AKAP7: variants seen among roughly 807,000 people sequenced by gnomAD.
AKAP7 encodes A kinase (PRKA) anchor protein 7.
Under a neutral mutation model 39.5 loss-of-function variants are expected in AKAP7, and 39 were observed. That is an observed-to-expected ratio of 0.99 (90% CI 0.76 to 1.29). The LOEUF (loss-of-function observed/expected upper bound fraction) is 1.29. Among genes scored for constraint, AKAP7 ranks in the 50% most tolerant of loss-of-function variants. The pLI is 0.00. For missense variants in AKAP7, 414 were observed against 407.7 expected (o/e 1.02, Z -0.13); for synonymous variants, 140 against 139.1 (o/e 1.01, Z -0.05).
chr6:131,159,260 A>AT (rs1198083550), intron 2 of AKAP7, among the ~76,000 whole-genome samples: 16 of 152,036 alleles, frequency 1.1e-4, no homozygotes, highest in African/African-American at 3.1e-4. Context: ...CACCCAGCTA[A>AT]TTTTTTATAT....
At position 131,199,578 on chromosome 6, in the gene AKAP7, G is replaced by A; in HGVS notation, c.702+5G>A. The A allele has an allele frequency of 6.3e-7, 1 of 1,577,400 alleles. No homozygotes were observed. Among genetic ancestry groups the A allele is most frequent in the South Asian group, 1.1e-5 (1 of 90,276 alleles). On this transcript the variant is annotated splice_donor_5th_base_variant and intron_variant, in intron 6 of 7. Transcript: ENST00000431975. ...TCACCGTGGCTCCGTAAGAATGTGA[G>A]TGCATGTTCTTATTGCAAGCCTGTT...
chr6:131,199,593 G>T lies in AKAP7; in HGVS notation c.702+20G>T. 6.5e-7 allele frequency: 1 copy of T among 1,549,342 alleles called. No homozygotes were observed. The highest frequency in any genetic ancestry group is 8.9e-7 in the Non-Finnish European group (1 of 1,121,584). Reference sequence around the variant, plus strand: ...AAGAATGTGAGTGCATGTTCTTATTGCAAGCCTGTTTTACCAGGCCACACC... The same window carrying T: ...AAGAATGTGAGTGCATGTTCTTATTTCAAGCCTGTTTTACCAGGCCACACC... On this transcript the variant is annotated intron_variant, in intron 6 of 7. Coordinates refer to ENST00000431975, the MANE Select transcript of AKAP7 (RefSeq NM_016377.4).
At chr6:131,230,625 T>C (rs1810550574) in intron 7 of AKAP7, among the ~76,000 whole-genome samples, 2 of 152,170 alleles carry the variant, frequency 1.3e-5, no homozygotes, top group Non-Finnish European at 2.9e-5. Flanking sequence ...TTGTTGCAAT[T>C]GCATTTGGGG....
At chr6:131,182,125 G>GA (rs34712760) in intron 5 of AKAP7, among the ~76,000 whole-genome samples, 41,515 of 148,956 alleles carry the variant, frequency 0.28, 6,405 homozygotes, top group Non-Finnish European at 0.35. Context: ...GAGTCCGTCT[G>GA]AAAAAAAAAA....
chr6:131,272,010 A>G (rs12525492), intron 7 of AKAP7, among the ~76,000 whole-genome samples: 5,333 of 152,228 alleles, frequency 0.035, 258 homozygotes, highest in East Asian at 0.17. Flanking sequence ...TCACTGAAAG[A>G]GCAAAGCCCC....
Position 131,282,723 on chromosome 6 carries a change from G to C in AKAP7, c.*997G>C, listed in dbSNP as rs1815302314. The C allele has an allele frequency of 2.6e-6, 2 of 760,462 alleles. No individual in the cohort carries two copies. The highest frequency in any genetic ancestry group is 3.8e-6 in the Non-Finnish European group (2 of 524,808). 47.1% of individuals were successfully genotyped at this position (760,462 alleles called of 1,614,324 possible). A position where few individuals can be genotyped will look rare whatever the true frequency, so the allele number is the denominator to read the frequency against. Reference sequence around the variant, plus strand: ...TCTGCACAACAGCAAACCAACATTTGGTGAGGAATTAGCAATTTCTTGCCA... The same window carrying C: ...TCTGCACAACAGCAAACCAACATTTCGTGAGGAATTAGCAATTTCTTGCCA... On this transcript the variant is annotated 3_prime_UTR_variant, in exon 8 of 8. Transcript: ENST00000431975.
chr6:131,234,080 T>A (rs1368007686), intron 7 of AKAP7, among the ~76,000 whole-genome samples: 1 of 152,174 alleles, frequency 6.6e-6, no homozygotes, highest in Non-Finnish European at 1.5e-5. Context: ...ACTGCCTGAG[T>A]TACCAATTCA....
chr6:131,259,237 T>G (rs1813111266), intron 7 of AKAP7, among the ~76,000 whole-genome samples: 1 of 152,162 alleles, frequency 6.6e-6, no homozygotes, highest in Non-Finnish European at 1.5e-5. Flanking sequence ...AGGATTTGAT[T>G]GATAGCTGAT....
intron 1 of AKAP7, 53 bp downstream of exon 1, chr6:131,135,835 G>A: frequency 8.2e-7 from 1 of 1,225,908 alleles, no homozygotes; most frequent in Non-Finnish European, 1.0e-6. Context: ...AGCCGCGGGG[G>A]CCTGGGCCTG....
At chr6:131,191,462 CTT>C (rs1443525897) in intron 5 of AKAP7, among the ~76,000 whole-genome samples, 1 of 152,044 alleles carries the variant, frequency 6.6e-6, no homozygotes, top group Non-Finnish European at 1.5e-5. Flanking sequence ...CTGGACTTGT[CTT>C]TCTTTTTTTT....
chr6:131,144,617 C>G (rs1431935390), intron 1 of AKAP7, among the ~76,000 whole-genome samples: 2 of 152,180 alleles, frequency 1.3e-5, no homozygotes, highest in African/African-American at 4.8e-5. Flanking sequence ...CCTTCTTTCT[C>G]TTACCTCCAC....
intron 1 of AKAP7, 109 bp from the exon 2 acceptor site, chr6:131,145,176 A>G: frequency 1.4e-6 from 1 of 729,082 alleles, no homozygotes; most frequent in Non-Finnish European, 1.9e-6. Context: ...ATTTCTTAAC[A>G]GATGTTAATT....
the AKAP7 span, among the ~76,000 whole-genome samples, chr6:131,128,780 C>A: frequency 6.8e-6 from 1 of 147,602 alleles, no homozygotes; most frequent in African/African-American, 2.5e-5. Flanking sequence ...TGAGATCATG[C>A]CATTGCACTC....
chr6:131,278,542 C>T (rs933093568), intron 7 of AKAP7, among the ~76,000 whole-genome samples: 1 of 152,134 alleles, frequency 6.6e-6, no homozygotes, highest in Non-Finnish European at 1.5e-5. Flanking sequence ...GTTTAGTTGG[C>T]TCATGGTTCC....
At chr6:131,245,933 A>T (rs1436713443) in intron 7 of AKAP7, among the ~76,000 whole-genome samples, 2 of 152,082 alleles carry the variant, frequency 1.3e-5, no homozygotes, top group African/African-American at 4.8e-5. Flanking sequence ...GTCAGACTCA[A>T]ATTTCCTTTA....
At chr6:131,180,703 C>T (rs781436401) in intron 5 of AKAP7, among the ~76,000 whole-genome samples, 3 of 152,176 alleles carry the variant, frequency 2.0e-5, no homozygotes, top group Non-Finnish European at 4.4e-5. Flanking sequence ...CATGCCACAT[C>T]GTGGGCCCCT....
chr6:131,214,408 G>A (rs148755486), intron 6 of AKAP7, among the ~76,000 whole-genome samples: 20 of 152,170 alleles, frequency 1.3e-4, no homozygotes, highest in East Asian at 3.9e-4. Context: ...GGGAGATGGC[G>A]TGCCTAAAAA....
At chr6:131,230,874 G>A (rs1454185957) in intron 7 of AKAP7, among the ~76,000 whole-genome samples, 4 of 152,066 alleles carry the variant, frequency 2.6e-5, no homozygotes, top group African/African-American at 9.7e-5. Flanking sequence ...TAGTATCAAA[G>A]AATATCCACA....
At chr6:131,199,964 G>A (rs1006373558) in intron 6 of AKAP7, 2 of 202,816 alleles carry the variant, frequency 9.9e-6, no homozygotes, top group South Asian at 7.3e-5. Flanking sequence ...GCTGCTCACC[G>A]CAACTGGGTA....
Sources: gnomAD v4.1 joint callset for allele counts (sites outside exome capture counted in the v4.1 genomes callset) on GRCh38, gnomAD v4.1.1 for gene constraint, MANE v1.5 for transcripts, NCBI Gene and HGNC (gene_info 2026-07-23, HGNC 2026-07-21) for gene names.